THRAP3: variants seen among roughly 807,000 people sequenced by gnomAD.
THRAP3 encodes the protein thyroid hormone receptor-associated protein 3.
THRAP3 carries 16 observed loss-of-function variants against 101.0 expected under a neutral mutation model. The observed-to-expected ratio is 0.16, with a 90% CI of 0.11 to 0.24. THRAP3 has a LOEUF of 0.24. THRAP3 is among the 10% of genes least tolerant of loss of function. The pLI is 1.00. For missense variants in THRAP3, 989 were observed against 1,202.7 expected (o/e 0.82, Z 2.63); for synonymous variants, 407 against 422.6 (o/e 0.96, Z 0.45).
chr1:36,219,866 T>C (rs1159225755), upstream of THRAP3, among the ~76,000 whole-genome samples: 1 of 152,226 alleles, frequency 6.6e-6, no homozygotes, highest in Non-Finnish European at 1.5e-5. Context: ...TTTTTCAGGC[T>C]AATGCAGCTG....
chr1:36,221,532 G>A (rs1005447057), upstream of THRAP3, among the ~76,000 whole-genome samples: 6 of 152,296 alleles, frequency 3.9e-5, no homozygotes, highest in East Asian at 1.2e-3. Context: ...ACAGCCATCA[G>A]CATAAAAGCA....
intron 4 of THRAP3, chr1:36,288,675 T>A (rs190905367): frequency 2.0e-6 from 2 of 985,404 alleles, no homozygotes; most frequent in Non-Finnish European, 2.4e-6. Flanking sequence ...ATGTTAACTT[T>A]GCTGAAAGCA....
intron 2 of THRAP3, among the ~76,000 whole-genome samples, chr1:36,270,420 C>G (rs750119250): frequency 4.6e-5 from 7 of 152,104 alleles, no homozygotes; most frequent in Non-Finnish European, 1.0e-4. Flanking sequence ...CAGGCACACG[C>G]ACACGCACGC....
chr1:36,294,601 A>C (rs1645921401), intron 8 of THRAP3, among the ~76,000 whole-genome samples: 1 of 152,240 alleles, frequency 6.6e-6, no homozygotes. Flanking sequence ...TTAAAATAAC[A>C]GATGGTTATT....
chr1:36,213,959 GAAGGAAAGA>G, the THRAP3 span, among the ~76,000 whole-genome samples: 57 of 107,486 alleles, frequency 5.3e-4, no homozygotes, highest in African/African-American at 1.1e-3. Context: ...AAGAAAGAAA[GAAGGAAAGA>G]GAAAGAAAGA....
chr1:36,255,873 A>G (rs924978402), intron 1 of THRAP3, among the ~76,000 whole-genome samples: 8 of 152,158 alleles, frequency 5.3e-5, no homozygotes, highest in African/African-American at 1.9e-4. Flanking sequence ...TACAAATGGT[A>G]TGGTCCTAGA....
At chr1:36,238,259 G>A (rs1391719808) in intron 1 of THRAP3, among the ~76,000 whole-genome samples, 1 of 152,084 alleles carries the variant, frequency 6.6e-6, no homozygotes, top group African/African-American at 2.4e-5. Flanking sequence ...GTAAAACATC[G>A]TGCTCAGCCT....
At position 36,243,186 on chromosome 1, in the gene THRAP3, A is replaced by C. The variant is rs377672542; in HGVS notation, c.-134-16196A>C. The stretch of plus-strand genomic sequence containing the variant: ...TTTTTTTTTTTTTGCTCTGAGCCCA[A>C]ATGAGGGTTTCTTTTTATTTTTTTA... On this transcript the variant is annotated intron_variant, in intron 1 of 11. Coordinates refer to ENST00000354618, the MANE Select transcript of THRAP3 (RefSeq NM_005119.4). Among the ~76,000 whole-genome samples, 4 of 146,600 alleles carry C rather than the reference A, an allele frequency of 2.7e-5. No individual in the cohort carries two copies. In the East Asian group the frequency reaches 7.9e-4, roughly 29 times the overall value.
intron 1 of THRAP3, among the ~76,000 whole-genome samples, chr1:36,241,140 G>T (rs1645150810): frequency 6.8e-6 from 1 of 147,682 alleles, no homozygotes; most frequent in African/African-American, 2.5e-5. Flanking sequence ...CCAGGAGGCG[G>T]AGCTTGCAGT....
Position 36,282,678 on chromosome 1 carries a change from C to G in THRAP3, c.115C>G (p.Arg39Gly). 1 of 1,614,142 alleles carries G rather than the reference C, an allele frequency of 6.2e-7. No individual in the cohort carries two copies. Among genetic ancestry groups the G allele is most frequent in the Non-Finnish European group, 8.5e-7 (1 of 1,180,016 alleles). The change falls in exon 3 of 12, where the codon CGT becomes GGT. Residue 39 changes from arginine (R) to glycine (G), a missense_variant. Coordinates refer to ENST00000354618, the MANE Select transcript of THRAP3 (RefSeq NM_005119.4). ...TCGGTCCCGAAGCCGATCTCTCTCT[C>G]GTTCAAGGAAGCGCAGGCTGAGGTA... The part of the protein sequence containing the change: ...KSRSRSRSLS[R>G]SRKRRLSSRS...
At chr1:36,262,803 A>T (rs1044930177) in intron 2 of THRAP3, among the ~76,000 whole-genome samples, 64 of 149,460 alleles carry the variant, frequency 4.3e-4, no homozygotes, top group East Asian at 1.6e-3. Flanking sequence ...TATTATTATT[A>T]TTTTTTTTGA....
chr1:36,295,593 C>T (rs975399873), intron 8 of THRAP3, among the ~76,000 whole-genome samples: 7 of 151,608 alleles, frequency 4.6e-5, no homozygotes, highest in Non-Finnish European at 8.8e-5. Context: ...CCCTTCCTTC[C>T]TCCCTCCCTT....
At chr1:36,214,698 A>T in the THRAP3 span, among the ~76,000 whole-genome samples, 263 of 152,022 alleles carry the variant, frequency 1.7e-3, 2 homozygotes, top group African/African-American at 5.9e-3. Context: ...TCCTACTAAA[A>T]ATGCAAAAAA....
chr1:36,286,878 A>T lies in THRAP3; in HGVS notation c.648A>T (p.Ala216=), dbSNP rs1198632916. Residue 216 remains alanine (A), a synonymous_variant, in exon 4 of 12, where the codon GCA becomes GCT. Transcript: ENST00000354618. The surrounding 1 kb of genome is among the most constrained non-coding windows in gnomAD (Gnocchi z 5.5). ...FSGGTSQDTK[A]SESSKPWPDA... ...GAGGCACCTCTCAAGATACAAAAGC[A>T]TCTGAGAGCTCGAAGCCATGGCCAG... 1 of 1,613,978 alleles carries T rather than the reference A, an allele frequency of 6.2e-7. No individual in the cohort carries two copies. Among genetic ancestry groups the T allele is most frequent in the African/African-American group, 1.3e-5 (1 of 74,932 alleles).
chr1:36,248,460 T>C (rs1403748552), intron 1 of THRAP3, among the ~76,000 whole-genome samples: 1 of 151,296 alleles, frequency 6.6e-6, no homozygotes, highest in Non-Finnish European at 1.5e-5. Context: ...TTTTTTTTTT[T>C]TTTTTGTGAG....
intron 9 of THRAP3, 109 bp from the exon 10 acceptor site, chr1:36,300,777 C>A: frequency 9.1e-7 from 1 of 1,099,884 alleles, no homozygotes. Flanking sequence ...TCATCAGTTT[C>A]TTCCATCACA....
At chr1:36,253,076 C>T (rs774574660) in intron 1 of THRAP3, among the ~76,000 whole-genome samples, 2 of 151,186 alleles carry the variant, frequency 1.3e-5, no homozygotes, top group Non-Finnish European at 2.9e-5. Flanking sequence ...TTAGCAGTGC[C>T]TTTCAAAATT....
chr1:36,228,589 A>G (rs1183780342), intron 1 of THRAP3, among the ~76,000 whole-genome samples: 1 of 152,140 alleles, frequency 6.6e-6, no homozygotes. Context: ...TCCTGAACTC[A>G]GGTGATCCAA....
At chr1:36,231,046 T>A (rs957743548) in intron 1 of THRAP3, among the ~76,000 whole-genome samples, 1 of 152,236 alleles carries the variant, frequency 6.6e-6, no homozygotes, top group Non-Finnish European at 1.5e-5. Context: ...TTTATACCTT[T>A]CTATTACTTG....
Sources: allele counts gnomAD v4.1 joint callset (sites outside exome capture counted in the v4.1 genomes callset), GRCh38; gene constraint gnomAD v4.1.1; non-coding constraint Gnocchi (gnomAD v3.1); transcripts MANE v1.5; gene names NCBI Gene and HGNC (gene_info 2026-07-23, HGNC 2026-07-21).